FAM83E: variants seen among roughly 807,000 people sequenced by gnomAD.
The protein encoded by FAM83E is scaffolding CK1 anchoring protein E.
Under a neutral mutation model 34.3 loss-of-function variants are expected in FAM83E, and 29 were observed. The ratio of observed to expected loss-of-function variants is 0.85; its 90% confidence interval spans 0.63 to 1.15. The LOEUF (loss-of-function observed/expected upper bound fraction) is 1.15. FAM83E is among the 50% of genes most tolerant of loss of function. The probability of loss-of-function intolerance (pLI) is 0.00; values close to 1 mark genes in which losing one functional copy is unlikely to be tolerated. For synonymous variants in FAM83E, 312 were observed against 311.6 expected (o/e 1.00, Z -0.01); for missense variants, 697 against 685.0 (o/e 1.02, Z -0.20).
At chr19:48,609,700 C>T (rs1291383901) in intron 5 of FAM83E, among the ~76,000 whole-genome samples, 176 bp downstream of exon 5, 1 of 152,154 alleles carries the variant, frequency 6.6e-6, no homozygotes, top group Non-Finnish European at 1.5e-5. Context: ...ACTAAACAGG[C>T]CAGCACCAGG....
In FAM83E at chr19:48,613,525, T is replaced by C; in HGVS notation, c.-153A>G. Reference sequence around the variant, plus strand: ...CGGCGGGGCCCTGCAGATGTCCAAATGGCTCCCTGCAGCAGCCCCTGCCAC... The same window carrying C: ...CGGCGGGGCCCTGCAGATGTCCAAACGGCTCCCTGCAGCAGCCCCTGCCAC... On this transcript the variant is annotated 5_prime_UTR_variant, in exon 3 of 7. Coordinates refer to ENST00000263266, the MANE Select transcript of FAM83E (RefSeq NM_017708.4). The C allele has an allele frequency of 7.0e-7, 1 of 1,425,744 alleles. No individual in the cohort carries two copies. The highest frequency in any genetic ancestry group is 1.5e-5 in the South Asian group (1 of 64,638). The allele number at this position is 1,425,744 out of a possible 1,614,324, so 88.3% of individuals were successfully genotyped here. A position where few individuals can be genotyped will look rare whatever the true frequency, so the allele number is the denominator to read the frequency against.
rs1304661640 is a variant in FAM83E, at chr19:48,614,456, G to A, written c.-1084C>T. On this transcript the variant is annotated 5_prime_UTR_variant, in exon 3 of 7. Coordinates refer to ENST00000263266, the MANE Select transcript of FAM83E (RefSeq NM_017708.4). ...GCCAGCTACCCGGACGCTTCTTCCC[G>A]GACAGGGGCCAGTCTCTATCTCGCC... 12 of 985,402 alleles carry A rather than the reference G, an allele frequency of 1.2e-5. No individual in the cohort carries two copies. The highest frequency in any genetic ancestry group is 1.7e-5 in the African/African-American group (1 of 57,188). 61.0% of individuals were successfully genotyped at this position (985,402 alleles called of 1,614,324 possible). A position where few individuals can be genotyped will look rare whatever the true frequency, so the allele number is the denominator to read the frequency against.
chr19:48,605,019 C>CAAAA (rs72014229), intron 5 of FAM83E, among the ~76,000 whole-genome samples: 1,093 of 75,592 alleles, frequency 0.014, 47 homozygotes, highest in African/African-American at 0.045. Flanking sequence ...GACTCTGACT[C>CAAAA]AAAAAAAAAA....
In FAM83E at chr19:48,614,241, T is replaced by A. The variant is rs370542085; in HGVS notation, c.-869A>T. On this transcript the variant is annotated 5_prime_UTR_variant, in exon 3 of 7. It removes an upstream start codon present in the reference 5' UTR. Transcript: ENST00000263266. ...GTGAAATGCGCTACAGGGGTCTCCA[T>A]TACTATGGGACAGGTCTATGATCTT... 1 of 985,268 alleles carries A rather than the reference T, an allele frequency of 1.0e-6. No individual in the cohort carries two copies. The allele number at this position is 985,268 out of a possible 1,614,324, so 61.0% of individuals were successfully genotyped here.
In FAM83E at chr19:48,602,707, ATATATATATATATATATATAT is replaced by A. The variant is rs1973846530; in HGVS notation, c.1176+766_1176+786del. Reference sequence around the variant, plus strand: ...ATCTCAAAAAAAAAAAAAAAAAAATATATATATATATATATATATATATATATATATATATATATATATATA... The same window carrying A: ...ATCTCAAAAAAAAAAAAAAAAAAATAATATATATATATATATATATATATA... On this transcript the variant is annotated intron_variant, in intron 6 of 6. Transcript: ENST00000263266. Among the ~76,000 whole-genome samples the A allele has an allele frequency of 1.4e-3, 40 of 29,152 alleles. 6 individuals carry two copies. Among genetic ancestry groups the A allele is most frequent in the African/African-American group, 5.0e-3 (28 of 5,584 alleles). The allele number at this position is 29,152 out of a possible 152,430, so 19.1% of individuals were successfully genotyped here.
chr19:48,603,453 T>C, intron 6 of FAM83E, 41 bp downstream of exon 6: 1 of 1,491,840 alleles, frequency 6.7e-7, no homozygotes, highest in Non-Finnish European at 8.9e-7. Flanking sequence ...CGCCTTCCCC[T>C]TCCTGGGCTC....
At chr19:48,607,029 G>C (rs1568419730) in intron 5 of FAM83E, 3 of 1,611,738 alleles carry the variant, frequency 1.9e-6, no homozygotes, top group South Asian at 1.1e-5. Flanking sequence ...CCCCAGGCAC[G>C]ACGGGCGTCA....
rs768341092 is a variant in FAM83E, at chr19:48,603,579, C to CT, written c.1090dup (p.Ser364LysfsTer25). ...GCGGCTGGGCCGGGCCGGGGGGCCG[C>CT]TGGGGGTCCGGGCGCGCTGCACACT... is the stretch of plus-strand genomic sequence containing the variant. On this transcript the variant is annotated frameshift_variant, in exon 6 of 7. Coordinates refer to ENST00000263266, the MANE Select transcript of FAM83E (RefSeq NM_017708.4). LOFTEE classifies it high-confidence loss of function. 1.9e-6 allele frequency: 3 copies of CT among 1,552,612 alleles called. No individual in the cohort carries two copies. Among genetic ancestry groups the CT allele is most frequent in the Non-Finnish European group, 1.7e-6 (2 of 1,158,672 alleles).
In FAM83E at chr19:48,614,496, A is replaced by C. The variant is rs189003563; in HGVS notation, c.-1124T>G. The C allele has an allele frequency of 2.8e-4, 275 of 985,366 alleles. 1 individual carries two copies. In the African/African-American group the frequency reaches 4.3e-3, roughly 15 times the overall value. 61.0% of individuals were successfully genotyped at this position (985,366 alleles called of 1,614,324 possible). The stretch of plus-strand genomic sequence containing the variant: ...TCTATCTCGCCCTGTCTCCCTCCCA[A>C]GCCTCAGTTATCCCCTTGAGGCTCC... On this transcript the variant is annotated 5_prime_UTR_variant, in exon 3 of 7. Transcript: ENST00000263266.
At chr19:48,610,980 G>A in intron 3 of FAM83E, 133 bp from the exon 4 acceptor site, 1 of 819,698 alleles carries the variant, frequency 1.2e-6, no homozygotes, top group Admixed American at 2.7e-5. Context: ...AAGTTCAGGT[G>A]GGCTAAAGGG....
chr19:48,600,632 CCTTT>C lies in FAM83E; in HGVS notation c.*473_*476del, dbSNP rs1054549163. On this transcript the variant is annotated 3_prime_UTR_variant, in exon 7 of 7. Transcript: ENST00000263266. The stretch of plus-strand genomic sequence containing the variant: ...TACAGGAGTGAGCCACCTCGATCAG[CCTTT>C]CTTTTTCTTTTTTCTTTTTTTTTTT... 4.6e-5 allele frequency among the ~76,000 whole-genome samples: 7 copies of C among 151,000 alleles called. No individual in the cohort carries two copies. Among genetic ancestry groups the C allele is most frequent in the African/African-American group, 7.3e-5 (3 of 41,016 alleles).
In FAM83E at chr19:48,604,155, G is replaced by A. The variant is rs181787822; in HGVS notation, c.759-244C>T. Among the ~76,000 whole-genome samples, 464 of 152,066 alleles carry A rather than the reference G, an allele frequency of 3.1e-3. 1 individual carries two copies. The highest frequency in any genetic ancestry group is 0.011 in the African/African-American group (443 of 41,484). ...AGGTGTGGTGACTCACACTTTGGGA[G>A]GCTGAGGCAGGAGGGTTGCTTGAGC... is the stretch of plus-strand genomic sequence containing the variant. On this transcript the variant is annotated intron_variant, in intron 5 of 6. Transcript: ENST00000263266.
In FAM83E at chr19:48,602,700, AAAAAATATATATATATATATAT is replaced by A. The variant is rs1413870172; in HGVS notation, c.1176+772_1176+793del. ...AGACCCTATCTCAAAAAAAAAAAAA[AAAAAATATATATATATATATAT>A]ATATATATATATATATATATATATA... On this transcript the variant is annotated intron_variant, in intron 6 of 6. Coordinates refer to ENST00000263266, the MANE Select transcript of FAM83E (RefSeq NM_017708.4). Among the ~76,000 whole-genome samples the A allele has an allele frequency of 7.7e-4, 34 of 43,942 alleles. 3 individuals carry two copies. The highest frequency in any genetic ancestry group is 1.1e-3 in the Non-Finnish European group (26 of 23,868). 28.8% of individuals were successfully genotyped at this position (43,942 alleles called of 152,430 possible). A position where few individuals can be genotyped will look rare whatever the true frequency, so the allele number is the denominator to read the frequency against.
chr19:48,610,905 C>CA (rs1032212726), intron 3 of FAM83E, 58 bp from the exon 4 acceptor site: 50 of 1,522,910 alleles, frequency 3.3e-5, no homozygotes, highest in Non-Finnish European at 4.3e-5. Context: ...AGGGGACACT[C>CA]AGAGGGTGTG....
At position 48,603,948 on chromosome 19, in the gene FAM83E, C is replaced by T. The variant is rs556701925; in HGVS notation, c.759-37G>A. ...GGAGTAGGGGGTCAGAGTCTCCAAC[C>T]CTGAGGGCCCAGCCCGGCCCCCATC... is the stretch of plus-strand genomic sequence containing the variant. On this transcript the variant is annotated intron_variant, in intron 5 of 6. Transcript: ENST00000263266. 3.7e-5 allele frequency: 59 copies of T among 1,575,974 alleles called. No homozygotes were observed. The African/African-American group carries it at 6.8e-4, about 18-fold the overall frequency.
intron 3 of FAM83E, among the ~76,000 whole-genome samples, chr19:48,611,459 C>G (rs568026947): frequency 3.9e-5 from 6 of 152,038 alleles, no homozygotes; most frequent in African/African-American, 1.2e-4. Flanking sequence ...TGAGCCACCA[C>G]GCCCGGCTTT....
At chr19:48,611,167 T>TG (rs1568421521) in intron 3 of FAM83E, among the ~76,000 whole-genome samples, 15 of 151,504 alleles carry the variant, frequency 9.9e-5, no homozygotes, top group African/African-American at 3.6e-4. Context: ...GTTGTTGTTT[T>TG]TTGTTGTTTT....
intron 3 of FAM83E, among the ~76,000 whole-genome samples, chr19:48,611,207 C>T (rs1362158698): frequency 6.8e-6 from 1 of 147,558 alleles, no homozygotes; most frequent in Admixed American, 6.9e-5. Flanking sequence ...CTCACTCTGT[C>T]TCCCAGGCTG....
At position 48,613,523 on chromosome 19, in the gene FAM83E, A is replaced by G. The variant is rs968511590; in HGVS notation, c.-151T>C. The stretch of plus-strand genomic sequence containing the variant: ...TCCGGCGGGGCCCTGCAGATGTCCA[A>G]ATGGCTCCCTGCAGCAGCCCCTGCC... On this transcript the variant is annotated 5_prime_UTR_variant, in exon 3 of 7. Coordinates refer to ENST00000263266, the MANE Select transcript of FAM83E (RefSeq NM_017708.4). 1.4e-6 allele frequency: 2 copies of G among 1,425,632 alleles called. No individual in the cohort carries two copies. Among genetic ancestry groups the G allele is most frequent in the Non-Finnish European group, 9.1e-7 (1 of 1,094,452 alleles). 88.3% of individuals were successfully genotyped at this position (1,425,632 alleles called of 1,614,324 possible).
Sources: gnomAD v4.1 joint callset for allele counts (sites outside exome capture counted in the v4.1 genomes callset) on GRCh38, gnomAD v4.1.1 for gene constraint, MANE v1.5 for transcripts, NCBI Gene and HGNC (gene_info 2026-07-23, HGNC 2026-07-21) for gene names.